The following JRK variants were observed in gnomAD, a reference collection of about 807,000 sequenced individuals.
JRK encodes the protein jerky protein homolog.
For missense variants in JRK, 720 were observed against 509.2 expected (o/e 1.41, Z -3.98); for synonymous variants, 303 against 218.1 (o/e 1.39, Z -3.43).
In JRK at chr8:142,657,621, A is replaced by C. The variant is rs1846782103; in HGVS notation, c.*6731T>G. ...ATAGCAAGAGCAGGAGGAAGAAGGG[A>C]GGGAGGTGCCACCAGGCTCTTTTTA... On this transcript the variant is annotated 3_prime_UTR_variant, in exon 2 of 2. Transcript: ENST00000612905. The C allele has an allele frequency of 1.3e-5, 2 of 152,302 alleles. No individual in the cohort carries two copies. Among genetic ancestry groups the C allele is most frequent in the Admixed American group, 1.3e-4 (2 of 15,286 alleles). 9.4% of individuals were successfully genotyped at this position (152,302 alleles called of 1,614,324 possible).
Position 142,665,306 on chromosome 8 carries a change from G to A in JRK, c.753C>T (p.Pro251=), listed in dbSNP as rs186841727. The A allele has an allele frequency of 2.9e-4, 209 of 717,740 alleles. No individual in the cohort carries two copies. The African/African-American group carries it at 3.2e-3, about 11-fold the overall frequency. 44.5% of individuals were successfully genotyped at this position (717,740 alleles called of 1,614,324 possible). The part of the protein sequence containing the change: ...PRAFKGIQHL[P]VAYKAQGNAW... ...CGTTCCCCTGGGCCTTATAGGCGAC[G>A]GGCAGGTGCTGGATGCCTTTGAAAG... Residue 251 remains proline (P), a synonymous_variant, in exon 2 of 2, where the codon CCC becomes CCT. Coordinates refer to ENST00000612905, the MANE Select transcript of JRK (RefSeq NM_003724.4).
chr8:142,667,661 A>G (rs1467330634), intron 1 of JRK, among the ~76,000 whole-genome samples: 4 of 152,196 alleles, frequency 2.6e-5, no homozygotes, highest in African/African-American at 9.7e-5. Context: ...CCAGCTGTGC[A>G]CCCTACGAAA....
chr8:142,656,248 T>C (rs926996309), downstream of JRK, among the ~76,000 whole-genome samples: 4 of 152,238 alleles, frequency 2.6e-5, no homozygotes, highest in African/African-American at 9.6e-5. Flanking sequence ...ATTTTCCTAC[T>C]TTCTTTGCTT....
At chr8:142,646,238 CCTAA>C in the JRK span, among the ~76,000 whole-genome samples, 5 of 152,304 alleles carry the variant, frequency 3.3e-5, no homozygotes, top group South Asian at 6.2e-4. Flanking sequence ...AAAGATTTGA[CCTAA>C]CTGACTCCAT....
intron 1 of JRK, among the ~76,000 whole-genome samples, chr8:142,669,434 C>T (rs757869890): frequency 2.0e-5 from 3 of 152,082 alleles, no homozygotes; most frequent in African/African-American, 7.2e-5. Flanking sequence ...CAGCGCTGGG[C>T]TACTGGCGAG....
chr8:142,658,691 G>T lies in JRK; in HGVS notation c.*5661C>A. On this transcript the variant is annotated 3_prime_UTR_variant, in exon 2 of 2. Transcript: ENST00000612905. ...CTAATACCACCCTCCTGGGGGTCAG[G>T]GTTTCAACATATAAACTTTGGGGGG... The T allele has an allele frequency of 7.8e-7, 1 of 1,283,474 alleles. No homozygotes were observed. The highest frequency in any genetic ancestry group is 1.6e-5 in the South Asian group (1 of 62,060). The allele number at this position is 1,283,474 out of a possible 1,614,324, so 79.5% of individuals were successfully genotyped here. A position where few individuals can be genotyped will look rare whatever the true frequency, so the allele number is the denominator to read the frequency against.
rs1378692471 is a variant in JRK, at chr8:142,661,151, G to A, written c.*3201C>T. On this transcript the variant is annotated 3_prime_UTR_variant, in exon 2 of 2. Transcript: ENST00000612905. ...TCACGCACAGACAGGCCCAGGGCAA[G>A]GTCTGCTCTAGACCCTCCTATGCAG... 1 of 985,512 alleles carries A rather than the reference G, an allele frequency of 1.0e-6. No individual in the cohort carries two copies. Among genetic ancestry groups the A allele is most frequent in the Non-Finnish European group, 1.2e-6 (1 of 829,972 alleles). The allele number at this position is 985,512 out of a possible 1,614,324, so 61.0% of individuals were successfully genotyped here.
downstream of JRK, among the ~76,000 whole-genome samples, chr8:142,655,614 G>C (rs905606293): frequency 6.4e-5 from 9 of 140,826 alleles, no homozygotes; most frequent in African/African-American, 2.3e-4. Flanking sequence ...ACTCCAAACT[G>C]TGTCCCTGAC....
Position 142,666,236 on chromosome 8 carries a change from C to T in JRK, c.-178G>A, listed in dbSNP as rs1436528291. ...TCCCTCTCGGGTTTCTCACTCCACA[C>T]GCTGCACCTCCTGCCTCAGGTATCC... On this transcript the variant is annotated 5_prime_UTR_variant, in exon 2 of 2. It adds an upstream start codon to the 5' untranslated region. Transcript: ENST00000612905. 23 of 1,070,782 alleles carry T rather than the reference C, an allele frequency of 2.1e-5. No individual in the cohort carries two copies. Among genetic ancestry groups the T allele is most frequent in the East Asian group, 5.2e-5 (2 of 38,340 alleles). The allele number at this position is 1,070,782 out of a possible 1,614,324, so 66.3% of individuals were successfully genotyped here.
chr8:142,646,361 C>G, the JRK span, among the ~76,000 whole-genome samples: 1 of 152,166 alleles, frequency 6.6e-6, no homozygotes, highest in Non-Finnish European at 1.5e-5. Context: ...ACAAACCCTA[C>G]TGGCTGTGGA....
rs1482528715 is a variant in JRK, at chr8:142,663,587, T to C, written c.*765A>G. 1 of 985,388 alleles carries C rather than the reference T, an allele frequency of 1.0e-6. No individual in the cohort carries two copies. Among genetic ancestry groups the C allele is most frequent in the Non-Finnish European group, 1.2e-6 (1 of 829,954 alleles). The allele number at this position is 985,388 out of a possible 1,614,324, so 61.0% of individuals were successfully genotyped here. ...ATGCCAAAATACCACACAGGGTCCG[T>C]GTCCTCTATCCGGGTGATGAGCAGG... On this transcript the variant is annotated 3_prime_UTR_variant, in exon 2 of 2. Transcript: ENST00000612905.
In JRK at chr8:142,661,637, T is replaced by G; in HGVS notation, c.*2715A>C. On this transcript the variant is annotated 3_prime_UTR_variant, in exon 2 of 2. Transcript: ENST00000612905. ...CTCACAGATAAAACGCGGAGGCATT[T>G]AAACAGGACCAGAGACTTTCTCGCT... 1 of 985,388 alleles carries G rather than the reference T, an allele frequency of 1.0e-6. No individual in the cohort carries two copies. The highest frequency in any genetic ancestry group is 1.2e-6 in the Non-Finnish European group (1 of 829,934). 61.0% of individuals were successfully genotyped at this position (985,388 alleles called of 1,614,324 possible). A position where few individuals can be genotyped will look rare whatever the true frequency, so the allele number is the denominator to read the frequency against.
chr8:142,648,298 G>A, the JRK span, among the ~76,000 whole-genome samples: 11 of 152,252 alleles, frequency 7.2e-5, no homozygotes, highest in Non-Finnish European at 1.5e-4. Context: ...TAATCCCCAA[G>A]ACAATGGGGA....
At position 142,661,532 on chromosome 8, in the gene JRK, T is replaced by C; in HGVS notation, c.*2820A>G. ...CCAAACCATATGACGCAGCACCTGC[T>C]ACCCCACGAGCCACTGGAAAACTGA... On this transcript the variant is annotated 3_prime_UTR_variant, in exon 2 of 2. Transcript: ENST00000612905. The C allele has an allele frequency of 1.0e-6, 1 of 985,470 alleles. No homozygotes were observed. Among genetic ancestry groups the C allele is most frequent in the South Asian group, 4.7e-5 (1 of 21,286 alleles). 61.0% of individuals were successfully genotyped at this position (985,470 alleles called of 1,614,324 possible). A position where few individuals can be genotyped will look rare whatever the true frequency, so the allele number is the denominator to read the frequency against.
the JRK span, among the ~76,000 whole-genome samples, chr8:142,650,616 C>T: frequency 8.0e-3 from 1,220 of 152,302 alleles, 20 homozygotes; most frequent in African/African-American, 0.028. Context: ...TGCCTGCTGC[C>T]ATCCATGTAA....
In JRK at chr8:142,666,218, C is replaced by T. The variant is rs188047876; in HGVS notation, c.-160G>A. 732 of 1,322,180 alleles carry T rather than the reference C, an allele frequency of 5.5e-4. 2 individuals are homozygous for T. The highest frequency in any genetic ancestry group is 7.5e-4 in the Admixed American group (36 of 48,240). The allele number at this position is 1,322,180 out of a possible 1,614,324, so 81.9% of individuals were successfully genotyped here. A position where few individuals can be genotyped will look rare whatever the true frequency, so the allele number is the denominator to read the frequency against. On this transcript the variant is annotated 5_prime_UTR_variant, in exon 2 of 2. Transcript: ENST00000612905. ...CCTGAGCACAGGCCCCAGTCCCTCT[C>T]GGGTTTCTCACTCCACACGCTGCAC...
chr8:142,667,778 A>C (rs1230833143), intron 1 of JRK, among the ~76,000 whole-genome samples: 7 of 152,276 alleles, frequency 4.6e-5, no homozygotes, highest in African/African-American at 1.7e-4. Context: ...TTTTGAACTA[A>C]CTTCTCACCC....
Position 142,658,780 on chromosome 8 carries a change from C to A in JRK, c.*5572G>T. The A allele has an allele frequency of 1.3e-6, 2 of 1,553,944 alleles. No individual in the cohort carries two copies. Among genetic ancestry groups the A allele is most frequent in the Non-Finnish European group, 1.7e-6 (2 of 1,148,752 alleles). On this transcript the variant is annotated 3_prime_UTR_variant, in exon 2 of 2. Transcript: ENST00000612905. ...GATGGAGGCCACAGACCTACCAACA[C>A]CCATAACCTCAAGGGCACTGGTGGG...
Position 142,664,566 on chromosome 8 carries a change from A to G in JRK, c.1493T>C (p.Leu498Pro), listed in dbSNP as rs782402763. 6.2e-7 allele frequency: 1 copy of G among 1,608,410 alleles called. No individual in the cohort carries two copies. The highest frequency in any genetic ancestry group is 1.3e-5 in the African/African-American group (1 of 74,840). Reference protein sequence around the residue: ...EQAAVAFDAVLRFAERQPCFS... With the variant: ...EQAAVAFDAVPRFAERQPCFS... ...GCATGGCTGCCGCTCCGCAAAGCGC[A>G]GGACTGCGTCAAAGGCCACGGCCGC... Residue 498 changes from leucine (L) to proline (P), a missense_variant, in exon 2 of 2, where the codon CTG becomes CCG. Coordinates refer to ENST00000612905, the MANE Select transcript of JRK (RefSeq NM_003724.4).
Sources: gnomAD v4.1 joint callset for allele counts (sites outside exome capture counted in the v4.1 genomes callset) on GRCh38, gnomAD v4.1.1 for gene constraint, MANE v1.5 for transcripts, NCBI Gene and HGNC (gene_info 2026-07-23, HGNC 2026-07-21) for gene names.